FUT8: variants seen among roughly 807,000 people sequenced by gnomAD.
The protein encoded by FUT8 is alpha-(1,6)-fucosyltransferase.
FUT8 carries 29 observed loss-of-function variants against 71.3 expected under a neutral mutation model. The ratio of observed to expected loss-of-function variants is 0.41; its 90% CI spans 0.30 to 0.55. FUT8 has a LOEUF of 0.55. Ranked by LOEUF, FUT8 falls within the 20% of genes least tolerant of loss-of-function variation. The pLI is 0.34. For missense variants in FUT8, 544 were observed against 702.1 expected (o/e 0.77, Z 2.55); for synonymous variants, 254 against 239.3 (o/e 1.06, Z -0.57).
At chr14:65,549,799 C>T (rs978264378) in intron 2 of FUT8, among the ~76,000 whole-genome samples, 3 of 152,178 alleles carry the variant, frequency 2.0e-5, no homozygotes, top group South Asian at 2.1e-4. Flanking sequence ...TCAACAGTGG[C>T]TACCTGTATT....
At chr14:65,606,915 T>A (rs1888619104) in intron 3 of FUT8, among the ~76,000 whole-genome samples, 2 of 151,854 alleles carry the variant, frequency 1.3e-5, no homozygotes, top group South Asian at 4.2e-4. Context: ...TATAATTTTT[T>A]AATGTATGAG....
chr14:65,666,094 A>AC (rs1566883948), intron 6 of FUT8, among the ~76,000 whole-genome samples: 2 of 152,118 alleles, frequency 1.3e-5, no homozygotes. Flanking sequence ...TAAAAAAAAA[A>AC]CAAAATGCAA....
chr14:65,674,214 T>G (rs888416045), intron 7 of FUT8, among the ~76,000 whole-genome samples: 1 of 152,194 alleles, frequency 6.6e-6, no homozygotes, highest in Non-Finnish European at 1.5e-5. Context: ...TTAAAACAAG[T>G]ACATTTACTA....
At chr14:65,419,820 C>G (rs2139376966) in intron 1 of FUT8, among the ~76,000 whole-genome samples, 1 of 152,234 alleles carries the variant, frequency 6.6e-6, no homozygotes, top group South Asian at 2.1e-4. Context: ...TAAACCGACC[C>G]CCTCAACAGC....
chr14:65,552,292 A>G (rs1594762487), intron 2 of FUT8, among the ~76,000 whole-genome samples: 1 of 152,130 alleles, frequency 6.6e-6, no homozygotes, highest in African/African-American at 2.4e-5. Context: ...ACCCACTGTA[A>G]TATTACCTAT....
chr14:65,517,201 G>A (rs892315280), intron 2 of FUT8, among the ~76,000 whole-genome samples: 2 of 151,826 alleles, frequency 1.3e-5, no homozygotes, highest in Non-Finnish European at 1.5e-5. Context: ...CTGTTTGAGT[G>A]TGTTAATATA....
chr14:65,370,352 T>C, the FUT8 span, among the ~76,000 whole-genome samples: 28 of 151,644 alleles, frequency 1.8e-4, no homozygotes, highest in Admixed American at 5.3e-4. Context: ...GGACTACAGG[T>C]GCCTGCCACC....
chr14:65,703,037 G>T (rs575708172), intron 7 of FUT8, among the ~76,000 whole-genome samples: 1 of 152,200 alleles, frequency 6.6e-6, no homozygotes, highest in African/African-American at 2.4e-5. Flanking sequence ...TAGCCACTGC[G>T]CCCGGCCTAG....
At chr14:65,565,770 AT>A (rs527326453) in intron 3 of FUT8, among the ~76,000 whole-genome samples, 3 of 151,588 alleles carry the variant, frequency 2.0e-5, no homozygotes, top group African/African-American at 7.3e-5. Flanking sequence ...GATATTGGCC[AT>A]TTTTTTAATG....
chr14:65,487,932 A>T (rs149537196), intron 2 of FUT8, among the ~76,000 whole-genome samples: 2 of 152,090 alleles, frequency 1.3e-5, no homozygotes, highest in Admixed American at 1.3e-4. Context: ...AGCTCAAGTG[A>T]TCTTCCTGTC....
chr14:65,553,286 A>G (rs1885392957), intron 2 of FUT8, among the ~76,000 whole-genome samples: 1 of 152,162 alleles, frequency 6.6e-6, no homozygotes, highest in Non-Finnish European at 1.5e-5. Context: ...TTCAAATAAT[A>G]TAGCAGTTCA....
At chr14:65,714,637 A>T (rs951713113) in intron 7 of FUT8, among the ~76,000 whole-genome samples, 2 of 151,860 alleles carry the variant, frequency 1.3e-5, no homozygotes, top group African/African-American at 4.8e-5. Flanking sequence ...TGGTATTTTC[A>T]TAGGGATTGC....
chr14:65,430,008 G>T (rs181128424), intron 1 of FUT8, among the ~76,000 whole-genome samples: 2 of 138,610 alleles, frequency 1.4e-5, no homozygotes, highest in African/African-American at 5.6e-5. Flanking sequence ...CTTATTGCAA[G>T]AATCTTTTTT....
intron 2 of FUT8, among the ~76,000 whole-genome samples, chr14:65,479,956 C>T (rs188502304): frequency 1.3e-5 from 2 of 152,010 alleles, no homozygotes; most frequent in Admixed American, 1.3e-4. Flanking sequence ...TTAAAATTTT[C>T]TTACATGAAG....
At chr14:65,450,868 A>G (rs1566755330) in intron 1 of FUT8, among the ~76,000 whole-genome samples, 2 of 135,772 alleles carry the variant, frequency 1.5e-5, no homozygotes, top group East Asian at 4.2e-4. Flanking sequence ...CTTCCACCCT[A>G]TTTTTTTTTT....
At position 65,652,941 on chromosome 14, in the gene FUT8, T is replaced by C. The variant is rs986014637; in HGVS notation, c.598-16302T>C. Among the ~76,000 whole-genome samples, 1 of 152,298 alleles carries C rather than the reference T, an allele frequency of 6.6e-6. No individual in the cohort carries two copies. The highest frequency in any genetic ancestry group is 6.5e-5 in the Admixed American group (1 of 15,304). ...GGCCATCTCTCTCTGTATTGGTCTTTTCAGTATTGCAACTTCAAGGTAGTA... is the reference window on the plus strand; with the variant it reads ...GGCCATCTCTCTCTGTATTGGTCTTCTCAGTATTGCAACTTCAAGGTAGTA... On this transcript the variant is annotated intron_variant, in intron 6 of 10. Coordinates refer to ENST00000673929, the MANE Select transcript of FUT8 (RefSeq NM_001371533.1). The surrounding 1 kb of genome is among the most constrained non-coding windows in gnomAD (Gnocchi z 4.0).
chr14:65,565,499 T>G (rs1305906533), intron 3 of FUT8, among the ~76,000 whole-genome samples: 2 of 152,058 alleles, frequency 1.3e-5, no homozygotes, highest in East Asian at 3.9e-4. Context: ...ATGACCATAG[T>G]TTTTATTTCT....
Position 65,619,575 on chromosome 14 carries a change from C to A in FUT8, c.482+3202C>A, listed in dbSNP as rs563209312. 5.3e-5 allele frequency among the ~76,000 whole-genome samples: 8 copies of A among 152,256 alleles called. No homozygotes were observed. The South Asian group carries it at 1.2e-3, about 24-fold the overall frequency. On this transcript the variant is annotated intron_variant, in intron 5 of 10. Coordinates refer to ENST00000673929, the MANE Select transcript of FUT8 (RefSeq NM_001371533.1). Reference sequence around the variant, plus strand: ...AATAACTAGTAGAGCCTAATCTCTGCCTGCAACCACAGTTGGGTAATCAAC... The same window carrying A: ...AATAACTAGTAGAGCCTAATCTCTGACTGCAACCACAGTTGGGTAATCAAC...
the FUT8 span, among the ~76,000 whole-genome samples, chr14:65,383,275 T>TTTTTTTC: frequency 5.8e-4 from 57 of 99,026 alleles, 2 homozygotes; most frequent in African/African-American, 2.7e-3. Flanking sequence ...CTTTTTTTTT[T>TTTTTTTC]TTTTTTTTTT....
Sources: gnomAD v4.1 joint callset for allele counts (sites outside exome capture counted in the v4.1 genomes callset) on GRCh38, gnomAD v4.1.1 for gene constraint, Gnocchi (gnomAD v3.1) non-coding constraint, MANE v1.5 for transcripts, NCBI Gene and HGNC (gene_info 2026-07-23, HGNC 2026-07-21) for gene names.